The following SNRPC variants were observed in gnomAD, a reference collection of about 807,000 sequenced individuals.
SNRPC encodes small nuclear ribonucleoprotein polypeptide C, also known as U1 small nuclear ribonucleoprotein C.
Under a neutral mutation model 20.0 loss-of-function variants are expected in SNRPC, and 5 were observed. The ratio of observed to expected loss-of-function variants is 0.25; its 90% CI spans 0.13 to 0.53. The LOEUF is 0.53. SNRPC is among the 20% of genes least tolerant of loss of function. The pLI, the probability that SNRPC is intolerant of heterozygous loss-of-function variation, is 0.96. For synonymous variants in SNRPC, 61 were observed against 58.7 expected (o/e 1.04, Z -0.18); for missense variants, 112 against 224.1 (o/e 0.50, Z 3.19).
chr6:34,758,626 T>G (rs1764485421), intron 2 of SNRPC, among the ~76,000 whole-genome samples: 1 of 152,062 alleles, frequency 6.6e-6, no homozygotes, highest in African/African-American at 2.4e-5. Context: ...ACCCCGTCTC[T>G]TAAAAAAAAA....
In SNRPC at chr6:34,773,145, T is replaced by G; in HGVS notation, c.356-301T>G. ...CCTGAGTGAGAAAAAAAGGTCAGTT[T>G]AGGGAACTAGTGTCCCTGGCGATTT... On this transcript the variant is annotated intron_variant, in intron 5 of 5. Transcript: ENST00000244520. The surrounding 1 kb of genome is among the most constrained non-coding windows in gnomAD (Gnocchi z 4.1). 1 of 295,988 alleles carries G rather than the reference T, an allele frequency of 3.4e-6. No homozygotes were observed. Among genetic ancestry groups the G allele is most frequent in the South Asian group, 4.4e-5 (1 of 22,818 alleles). The allele number at this position is 295,988 out of a possible 1,614,324, so 18.3% of individuals were successfully genotyped here.
chr6:34,767,609 C>G (rs1229753733), intron 3 of SNRPC, among the ~76,000 whole-genome samples: 1 of 152,152 alleles, frequency 6.6e-6, no homozygotes, highest in Non-Finnish European at 1.5e-5. Context: ...GAGACTCTGT[C>G]TCAAAAAGAA....
chr6:34,767,703 T>G (rs576423585), intron 3 of SNRPC, among the ~76,000 whole-genome samples: 1 of 152,212 alleles, frequency 6.6e-6, no homozygotes. Context: ...CATAAATCAA[T>G]AAACCAATTA....
Position 34,773,647 on chromosome 6 carries a change from C to A in SNRPC, c.*77C>A. ...ACCAGGAGATCATGCTGCTGTGATA[C>A]TGAGTTTTCTAAACAGCATAAGGAA... On this transcript the variant is annotated 3_prime_UTR_variant, in exon 6 of 6. Coordinates refer to ENST00000244520, the MANE Select transcript of SNRPC (RefSeq NM_003093.3). The surrounding 1 kb of genome is among the most constrained non-coding windows in gnomAD (Gnocchi z 4.1). The A allele has an allele frequency of 2.2e-6, 3 of 1,362,374 alleles. No individual in the cohort carries two copies. The highest frequency in any genetic ancestry group is 3.1e-6 in the Non-Finnish European group (3 of 972,070). The allele number at this position is 1,362,374 out of a possible 1,614,324, so 84.4% of individuals were successfully genotyped here. A position where few individuals can be genotyped will look rare whatever the true frequency, so the allele number is the denominator to read the frequency against.
At chr6:34,763,760 A>G (rs1764573820) in intron 3 of SNRPC, among the ~76,000 whole-genome samples, 2 of 150,014 alleles carry the variant, frequency 1.3e-5, no homozygotes, top group South Asian at 4.3e-4. Flanking sequence ...CTCTGTCGCC[A>G]GGCTGGAGTG....
chr6:34,761,286 C>T (rs538550526), intron 2 of SNRPC, among the ~76,000 whole-genome samples: 125 of 151,330 alleles, frequency 8.3e-4, no homozygotes, highest in Non-Finnish European at 1.4e-3. Flanking sequence ...ATTACAGGCG[C>T]GTGCCATCAT....
intron 3 of SNRPC, among the ~76,000 whole-genome samples, chr6:34,763,873 T>G (rs1764576212): frequency 6.7e-6 from 1 of 149,678 alleles, no homozygotes. Flanking sequence ...CATGCCACCG[T>G]GCCTAGCCAA....
chr6:34,770,443 A>C (rs1364719854), intron 5 of SNRPC, 48 bp downstream of exon 5: 1 of 1,217,928 alleles, frequency 8.2e-7, no homozygotes, highest in Non-Finnish European at 1.2e-6. Flanking sequence ...TAGTTTAGTT[A>C]CTATGCATAG....
chr6:34,761,480 T>G (rs1256302510), intron 2 of SNRPC, among the ~76,000 whole-genome samples: 1 of 151,184 alleles, frequency 6.6e-6, no homozygotes, highest in Non-Finnish European at 1.5e-5. Flanking sequence ...ATCATTGTAT[T>G]AATGTAAGCA....
At chr6:34,765,682 C>A (rs1332707817) in intron 3 of SNRPC, among the ~76,000 whole-genome samples, 1 of 151,176 alleles carries the variant, frequency 6.6e-6, no homozygotes, top group Non-Finnish European at 1.5e-5. Flanking sequence ...CAAGTATTCA[C>A]CTGCTTCAGC....
chr6:34,758,879 T>TGGCG (rs1395252922), intron 2 of SNRPC, among the ~76,000 whole-genome samples: 3 of 150,760 alleles, frequency 2.0e-5, no homozygotes, highest in Admixed American at 1.3e-4. Flanking sequence ...CTGGGCGCGG[T>TGGCG]GGCGGGCGGG....
chr6:34,768,402 C>T (rs1764641989), intron 4 of SNRPC, among the ~76,000 whole-genome samples: 1 of 152,126 alleles, frequency 6.6e-6, no homozygotes, highest in African/African-American at 2.4e-5. Flanking sequence ...TGATAAACTC[C>T]TTAGTCTTTT....
chr6:34,773,747 TTG>T lies in SNRPC; in HGVS notation c.*179_*180del. Reference sequence around the variant, plus strand: ...GGGACAAAAAAGATGCAGTTTTCCTTTGTATTGGGAAATGTGAAAATAAAATT... The same window carrying T: ...GGGACAAAAAAGATGCAGTTTTCCTTTATTGGGAAATGTGAAAATAAAATT... On this transcript the variant is annotated 3_prime_UTR_variant, in exon 6 of 6. Transcript: ENST00000244520. This position sits in a 1 kb window ranked among gnomAD's most constrained non-coding sequence, Gnocchi z 4.1. 2.0e-6 allele frequency: 1 copy of T among 492,720 alleles called. No individual in the cohort carries two copies. Among genetic ancestry groups the T allele is most frequent in the East Asian group, 3.0e-5 (1 of 33,404 alleles). 30.5% of individuals were successfully genotyped at this position (492,720 alleles called of 1,614,324 possible).
At chr6:34,762,259 G>A (rs766226273) in intron 2 of SNRPC, among the ~76,000 whole-genome samples, 1 of 151,816 alleles carries the variant, frequency 6.6e-6, no homozygotes, top group African/African-American at 2.4e-5. Context: ...AGCCGAGATC[G>A]TGCTATTGTA....
intron 3 of SNRPC, among the ~76,000 whole-genome samples, chr6:34,766,734 G>A (rs772086220): frequency 6.6e-6 from 1 of 152,294 alleles, no homozygotes; most frequent in South Asian, 2.1e-4. Context: ...CCATATTGGG[G>A]TGTAATCCCT....
At chr6:34,762,093 T>C (rs1764544868) in intron 2 of SNRPC, among the ~76,000 whole-genome samples, 1 of 152,060 alleles carries the variant, frequency 6.6e-6, no homozygotes, top group Admixed American at 6.6e-5. Context: ...CACTTGAGCC[T>C]AGGGGTTTGA....
At chr6:34,757,772 C>CT in intron 1 of SNRPC, 140 bp from the exon 2 acceptor site, 1 of 1,582,570 alleles carries the variant, frequency 6.3e-7, no homozygotes, top group Non-Finnish European at 8.6e-7. Flanking sequence ...TGTGTCGACG[C>CT]TTTGATGCTT....
chr6:34,760,478 T>TA (rs1764521940), intron 2 of SNRPC, among the ~76,000 whole-genome samples: 2 of 152,114 alleles, frequency 1.3e-5, no homozygotes, highest in South Asian at 4.1e-4. Flanking sequence ...GTCCTTTTTT[T>TA]ACCCCTCTCT....
In SNRPC at chr6:34,764,233, A is replaced by T. The variant is rs1186280389; in HGVS notation, c.160+1530A>T. Among the ~76,000 whole-genome samples the T allele has an allele frequency of 2.6e-5, 4 of 151,452 alleles. No homozygotes were observed. The East Asian group carries it at 7.9e-4, about 30-fold the overall frequency. ...GGTGGCTCACGCCTGTAATCCTAGC[A>T]CTTTGGGAGGCTGAGGCGGGTGGAT... On this transcript the variant is annotated intron_variant, in intron 3 of 5. Transcript: ENST00000244520.
Sources: gnomAD v4.1 joint callset for allele counts (sites outside exome capture counted in the v4.1 genomes callset) on GRCh38, gnomAD v4.1.1 for gene constraint, Gnocchi (gnomAD v3.1) non-coding constraint, MANE v1.5 for transcripts, NCBI Gene and HGNC (gene_info 2026-07-23, HGNC 2026-07-21) for gene names.